RFX8: variants seen among roughly 807,000 people sequenced by gnomAD.
RFX8 encodes the protein regulatory factor X8.
In RFX8, 46 loss-of-function variants were observed where a neutral mutation model predicts 54.6. The observed-to-expected ratio is 0.84, with a 90% CI of 0.67 to 1.08. The LOEUF is 1.08. RFX8 is among the 50% of genes least tolerant of loss of function. The probability of loss-of-function intolerance (pLI) is 0.00; values close to 1 mark genes in which losing one functional copy is unlikely to be tolerated. For missense variants in RFX8, 536 were observed against 562.3 expected, an observed-to-expected ratio of 0.95 and a Z score of 0.47; for synonymous variants, 192 against 209.5, an observed-to-expected ratio of 0.92 and a Z score of 0.72.
intron 7 of RFX8, among the ~76,000 whole-genome samples, chr2:101,413,508 G>T (rs1290756475): frequency 1.3e-5 from 2 of 152,150 alleles, no homozygotes; most frequent in Non-Finnish European, 2.9e-5. Context: ...CCTCTGGGAG[G>T]TGATATCCTC....
At chr2:101,411,065 C>T (rs1686096119) in intron 8 of RFX8, among the ~76,000 whole-genome samples, 2 of 152,236 alleles carry the variant, frequency 1.3e-5, no homozygotes, top group Admixed American at 1.3e-4. Context: ...CCATCTTCAT[C>T]AAAGGGCTGG....
At chr2:101,467,027 T>G in intron 1 of RFX8, 127 bp from the exon 2 acceptor site, 1 of 627,588 alleles carries the variant, frequency 1.6e-6, no homozygotes, top group Non-Finnish European at 2.8e-6. Context: ...ATTTATTGGA[T>G]GAATCCCTGC....
intron 2 of RFX8, among the ~76,000 whole-genome samples, chr2:101,459,976 T>G (rs952665351): frequency 6.6e-6 from 1 of 152,062 alleles, no homozygotes; most frequent in Non-Finnish European, 1.5e-5. Flanking sequence ...CCTGGCCGCA[T>G]CCTCGCAGGT....
intron 2 of RFX8, among the ~76,000 whole-genome samples, chr2:101,431,989 T>C (rs1687512697): frequency 6.6e-6 from 1 of 152,176 alleles, no homozygotes; most frequent in South Asian, 2.1e-4. Flanking sequence ...TGGGAGACTT[T>C]ATGTATTAAC....
chr2:101,455,358 A>G (rs181690366), intron 2 of RFX8, among the ~76,000 whole-genome samples: 1 of 152,134 alleles, frequency 6.6e-6, no homozygotes, highest in African/African-American at 2.4e-5. Flanking sequence ...GGTCTTACAT[A>G]TAAGTCTTTA....
intron 2 of RFX8, among the ~76,000 whole-genome samples, chr2:101,466,112 T>C (rs1427340279): frequency 6.6e-6 from 1 of 152,102 alleles, no homozygotes; most frequent in Non-Finnish European, 1.5e-5. Context: ...ATCCACACGA[T>C]TGCTGTGGGG....
At chr2:101,466,308 G>A (rs1213025459) in intron 2 of RFX8, among the ~76,000 whole-genome samples, 6 of 83,022 alleles carry the variant, frequency 7.2e-5, no homozygotes, top group Admixed American at 2.4e-4. Context: ...ATTCTATCTC[G>A]GAAAAAAAAA....
chr2:101,417,637 A>C lies in RFX8; in HGVS notation c.399T>G (p.Ile133Met), dbSNP rs1428847893. 1 of 1,550,766 alleles carries C rather than the reference A, an allele frequency of 6.4e-7. No homozygotes were observed. The highest frequency in any genetic ancestry group is 1.4e-5 in the African/African-American group (1 of 73,026). ...ATAACTGCACAGATTTCAGGTACTG[A>C]ATAGAAACATCTTCCAAGAAGTCAT... is the stretch of plus-strand genomic sequence containing the variant. ...LLHDFLEDVS[I>M]QYLKSVQLFS... Residue 133 changes from isoleucine (I) to methionine (M), a missense_variant, in exon 6 of 12, where the codon ATT (isoleucine) becomes ATG (methionine). Physicochemically the swap from Ile to Met is conservative, Grantham distance 10. Transcript: ENST00000428343.
In RFX8 at chr2:101,421,744, A is replaced by G. The variant is rs1424072659; in HGVS notation, c.217T>C (p.Cys73Arg). The change falls in exon 4 of 12, where the codon TGT becomes CGT. Residue 73 changes from cysteine to arginine, a missense_variant. Cys to Arg is a radical substitution (Grantham distance 180). Coordinates refer to ENST00000428343, the MANE Select transcript of RFX8 (RefSeq NM_001145664.2). ...AFLADEYCNY[C>R]RDILRNVEDL... Reference sequence around the variant, plus strand: ...CTCACATTTCGTAAAATGTCTCGACAATAGTTGCAGTATTCGTCAGCAAGG... The same window carrying G: ...CTCACATTTCGTAAAATGTCTCGACGATAGTTGCAGTATTCGTCAGCAAGG... 1 of 1,550,214 alleles carries G rather than the reference A, an allele frequency of 6.5e-7. No individual in the cohort carries two copies. The highest frequency in any genetic ancestry group is 1.4e-5 in the African/African-American group (1 of 72,972).
chr2:101,438,318 T>C (rs909921391), intron 2 of RFX8, among the ~76,000 whole-genome samples: 27 of 152,242 alleles, frequency 1.8e-4, no homozygotes, highest in African/African-American at 6.3e-4. Flanking sequence ...TCTCATTCTA[T>C]TTTACAGCTG....
chr2:101,420,346 A>G (rs1224876075), intron 4 of RFX8, among the ~76,000 whole-genome samples: 1 of 152,108 alleles, frequency 6.6e-6, no homozygotes, highest in Non-Finnish European at 1.5e-5. Flanking sequence ...GTTTGAGAAC[A>G]GCCTGGCCAG....
At chr2:101,461,190 G>A (rs1200917465) in intron 2 of RFX8, among the ~76,000 whole-genome samples, 3 of 149,880 alleles carry the variant, frequency 2.0e-5, no homozygotes, top group African/African-American at 7.4e-5. Context: ...GTGAACCCAG[G>A]AGGTGGAGGT....
chr2:101,449,675 C>G (rs1360797858), intron 2 of RFX8, among the ~76,000 whole-genome samples: 1 of 151,938 alleles, frequency 6.6e-6, no homozygotes, highest in Non-Finnish European at 1.5e-5. Context: ...CAGTAGAGAG[C>G]CAGGGAGGAA....
At position 101,421,795 on chromosome 2, in the gene RFX8, A is replaced by T; in HGVS notation, c.184-18T>A. ...AAGGCCATCTAGGAAGAATATGGAAAATTATTTCAGCATGTGGGCCTTTTC... is the reference window on the plus strand; with the variant it reads ...AAGGCCATCTAGGAAGAATATGGAATATTATTTCAGCATGTGGGCCTTTTC... On this transcript the variant is annotated intron_variant, in intron 3 of 11. Transcript: ENST00000428343. 6.5e-7 allele frequency: 1 copy of T among 1,537,282 alleles called. No individual in the cohort carries two copies. Among genetic ancestry groups the T allele is most frequent in the Non-Finnish European group, 8.8e-7 (1 of 1,135,558 alleles).
rs770459063 is a variant in RFX8, at chr2:101,409,580, A to G, written c.813+1039T>C. Among the ~76,000 whole-genome samples the G allele has an allele frequency of 2.9e-4, 43 of 150,562 alleles. No homozygotes were observed. The Middle Eastern group carries it at 0.01, about 36-fold the overall frequency. On this transcript the variant is annotated intron_variant, in intron 9 of 11. Transcript: ENST00000428343. ...GTGCAGTGGCTCTCAGCTCACTGCA[A>G]CCTCCGCCTGCTGGGTTCAAGCGAT...
chr2:101,420,191 C>T (rs1686781699), intron 4 of RFX8, among the ~76,000 whole-genome samples: 1 of 152,128 alleles, frequency 6.6e-6, no homozygotes, highest in Non-Finnish European at 1.5e-5. Flanking sequence ...GCATCCGAGG[C>T]CCCTTCTGGC....
At chr2:101,466,166 C>T (rs1456968206) in intron 2 of RFX8, among the ~76,000 whole-genome samples, 1 of 152,086 alleles carries the variant, frequency 6.6e-6, no homozygotes, top group Non-Finnish European at 1.5e-5. Context: ...CTCAGCCATG[C>T]ACCCCCTGAC....
chr2:101,457,835 T>A (rs968792642), intron 2 of RFX8, among the ~76,000 whole-genome samples: 9 of 152,204 alleles, frequency 5.9e-5, no homozygotes, highest in African/African-American at 1.4e-4. Context: ...TATTAGTGTG[T>A]GGGAGTCTAA....
At chr2:101,435,226 A>G (rs1434205563) in intron 2 of RFX8, 1 of 152,326 alleles carries the variant, frequency 6.6e-6, no homozygotes, top group Non-Finnish European at 1.5e-5. Flanking sequence ...GAACAAAGGC[A>G]CGGCGTGTTG....
Sources: allele counts gnomAD v4.1 joint callset (sites outside exome capture counted in the v4.1 genomes callset), GRCh38; gene constraint gnomAD v4.1.1; transcripts MANE v1.5; gene names NCBI Gene and HGNC (gene_info 2026-07-23, HGNC 2026-07-21).